GALNT8: variants seen among roughly 807,000 people sequenced by gnomAD.
GALNT8 encodes probable polypeptide N-acetylgalactosaminyltransferase 8.
In GALNT8, 66 loss-of-function variants were observed where a neutral mutation model predicts 62.7. The observed-to-expected ratio is 1.05, with a 90% CI of 0.86 to 1.29. The LOEUF (loss-of-function observed/expected upper bound fraction) is 1.29, where lower values mean the gene tolerates loss of function less well. Among genes scored for constraint, GALNT8 ranks in the 50% most tolerant of loss-of-function variants. The pLI is 0.00. For synonymous variants in GALNT8, 288 were observed against 294.3 expected (o/e 0.98, Z 0.22); for missense variants, 771 against 791.8 (o/e 0.97, Z 0.32).
chr12:4,726,386 A>G lies in GALNT8; in HGVS notation c.212-146A>G. 1.6e-6 allele frequency: 1 copy of G among 626,178 alleles called. No individual in the cohort carries two copies. Among genetic ancestry groups the G allele is most frequent in the East Asian group, 2.7e-5 (1 of 36,524 alleles). The allele number at this position is 626,178 out of a possible 1,614,324, so 38.8% of individuals were successfully genotyped here. A position where few individuals can be genotyped will look rare whatever the true frequency, so the allele number is the denominator to read the frequency against. On this transcript the variant is annotated intron_variant, in intron 1 of 10. Coordinates refer to ENST00000252318, the MANE Select transcript of GALNT8 (RefSeq NM_017417.2). The surrounding 1 kb of genome is among the most constrained non-coding windows in gnomAD (Gnocchi z 4.1). ...TGCATGGCTGGATAAGTTCCCTGAC[A>G]TACTACATCCTCTGTGACAAGAGCT... is the stretch of plus-strand genomic sequence containing the variant.
rs1278135212 is a variant in GALNT8, at chr12:4,739,331, T to A, written c.676+2T>A. ...TGGTGGATGATTTCAGCTCAAATGG[T>A]GAGCAACGTGATCAAAGAATAATTG... is the stretch of plus-strand genomic sequence containing the variant. On this transcript the variant is annotated splice_donor_variant, in intron 3 of 10. Coordinates refer to ENST00000252318, the MANE Select transcript of GALNT8 (RefSeq NM_017417.2). LOFTEE classifies it high-confidence loss of function. 6.2e-7 allele frequency: 1 copy of A among 1,609,710 alleles called. No individual in the cohort carries two copies. The highest frequency in any genetic ancestry group is 8.5e-7 in the Non-Finnish European group (1 of 1,176,990).
chr12:4,730,087 C>T (rs1395483548), intron 2 of GALNT8, among the ~76,000 whole-genome samples: 1 of 151,950 alleles, frequency 6.6e-6, no homozygotes, highest in African/African-American at 2.4e-5. Context: ...TGAGTTGTTT[C>T]TGTTCCTTAT....
At chr12:4,742,795 C>T (rs771258057) in intron 3 of GALNT8, among the ~76,000 whole-genome samples, 2 of 152,090 alleles carry the variant, frequency 1.3e-5, no homozygotes, top group African/African-American at 4.8e-5. Context: ...CGGAAGCGCC[C>T]TGAGCTGACC....
chr12:4,755,662 A>T (rs7979891), intron 6 of GALNT8, among the ~76,000 whole-genome samples: 2 of 151,986 alleles, frequency 1.3e-5, no homozygotes, highest in East Asian at 1.9e-4. Flanking sequence ...CCTTCTAGTC[A>T]ACCATCTTGC....
chr12:4,762,277 A>T (rs1386366689), intron 7 of GALNT8, among the ~76,000 whole-genome samples: 3 of 152,210 alleles, frequency 2.0e-5, no homozygotes, highest in Non-Finnish European at 2.9e-5. Context: ...AATTGTCTGT[A>T]AAATACTGAA....
At chr12:4,721,554 A>G (rs1946169409) in intron 1 of GALNT8, among the ~76,000 whole-genome samples, 1 of 152,206 alleles carries the variant, frequency 6.6e-6, no homozygotes, top group Non-Finnish European at 1.5e-5. Context: ...AGATATGCAT[A>G]CACATAAACA....
intron 6 of GALNT8, among the ~76,000 whole-genome samples, chr12:4,747,024 C>T (rs1565386054): frequency 6.6e-6 from 1 of 152,178 alleles, no homozygotes. Flanking sequence ...TGACAGCTTC[C>T]CATGCTTGTT....
intron 10 of GALNT8, among the ~76,000 whole-genome samples, chr12:4,769,085 C>T (rs1025791391): frequency 1.3e-5 from 2 of 152,064 alleles, no homozygotes; most frequent in South Asian, 2.1e-4. Context: ...AGGAGCACAG[C>T]GTTAAGATAG....
At chr12:4,728,460 T>G (rs1018102684) in intron 2 of GALNT8, among the ~76,000 whole-genome samples, 1 of 152,198 alleles carries the variant, frequency 6.6e-6, no homozygotes, top group Non-Finnish European at 1.5e-5. Flanking sequence ...CGCAAAGGTT[T>G]ACACCCATGT....
rs776814579 is a variant in GALNT8 at position 4,745,572 on chromosome 12, A to G, written c.1004A>G (p.Tyr335Cys). 1 of 1,614,044 alleles carries G rather than the reference A, an allele frequency of 6.2e-7. No individual in the cohort carries two copies. Among genetic ancestry groups the G allele is most frequent in the South Asian group, 1.1e-5 (1 of 91,084 alleles). ...TTTAACTGGGAACTCTGGTGCCGCTACGATGCACTGCCACAAGCCTGGATT... is the reference window on the plus strand; with the variant it reads ...TTTAACTGGGAACTCTGGTGCCGCTGCGATGCACTGCCACAAGCCTGGATT... ...DGFNWELWCR[Y>C]DALPQAWIDL... The change falls in exon 5 of 11, where the codon TAC becomes TGC. Residue 335 changes from tyrosine to cysteine, a missense_variant. By Grantham distance (194) the Tyr-to-Cys change is radical. Coordinates refer to ENST00000252318, the MANE Select transcript of GALNT8 (RefSeq NM_017417.2).
chr12:4,728,399 G>T (rs1006303285), intron 2 of GALNT8, among the ~76,000 whole-genome samples: 1 of 151,894 alleles, frequency 6.6e-6, no homozygotes, highest in Admixed American at 6.6e-5. Context: ...TTTCTCCTGG[G>T]TTGCTTGTAC....
At chr12:4,758,602 GTC>G (rs1327538457) in intron 6 of GALNT8, among the ~76,000 whole-genome samples, 38 of 123,554 alleles carry the variant, frequency 3.1e-4, no homozygotes, top group Admixed American at 2.0e-3. Flanking sequence ...GAAGCTTAAT[GTC>G]TCTGTGTGTG....
intron 6 of GALNT8, among the ~76,000 whole-genome samples, chr12:4,760,414 T>C (rs1946366110): frequency 6.6e-6 from 1 of 152,222 alleles, no homozygotes; most frequent in African/African-American, 2.4e-5. Context: ...ATGCAGTGTA[T>C]TCATGATCCA....
At chr12:4,747,588 A>G (rs898749110) in intron 6 of GALNT8, among the ~76,000 whole-genome samples, 1 of 151,914 alleles carries the variant, frequency 6.6e-6, no homozygotes, top group African/African-American at 2.4e-5. Context: ...ACTCTATTGC[A>G]TACTACATTT....
At chr12:4,754,718 A>G (rs1946336851) in intron 6 of GALNT8, among the ~76,000 whole-genome samples, 1 of 152,060 alleles carries the variant, frequency 6.6e-6, no homozygotes, top group South Asian at 2.1e-4. Context: ...ACCTAAAGCC[A>G]GCAAGTCTCA....
chr12:4,768,263 A>G (rs899001395), intron 10 of GALNT8, among the ~76,000 whole-genome samples: 21 of 152,216 alleles, frequency 1.4e-4, no homozygotes, highest in Admixed American at 5.2e-4. Flanking sequence ...AAAAATAGTA[A>G]ATATACACAG....
chr12:4,766,309 A>G (rs138319012), intron 10 of GALNT8, among the ~76,000 whole-genome samples: 2 of 152,202 alleles, frequency 1.3e-5, no homozygotes, highest in Non-Finnish European at 2.9e-5. Flanking sequence ...CAATTTCCTT[A>G]CCCTCTCTGA....
chr12:4,751,107 C>T (rs541138914), intron 6 of GALNT8, among the ~76,000 whole-genome samples: 37 of 152,236 alleles, frequency 2.4e-4, no homozygotes, highest in Middle Eastern at 6.8e-3. Flanking sequence ...CTCTTCCTTA[C>T]ACCATATACA....
At chr12:4,741,402 C>T (rs1280305647) in intron 3 of GALNT8, among the ~76,000 whole-genome samples, 3 of 151,884 alleles carry the variant, frequency 2.0e-5, no homozygotes, top group Non-Finnish European at 4.4e-5. Flanking sequence ...GTTTTCTGCC[C>T]CAAAAATAGG....
Sources: gnomAD v4.1 joint callset for allele counts (sites outside exome capture counted in the v4.1 genomes callset) on GRCh38, gnomAD v4.1.1 for gene constraint, Gnocchi (gnomAD v3.1) non-coding constraint, MANE v1.5 for transcripts, NCBI Gene and HGNC (gene_info 2026-07-23, HGNC 2026-07-21) for gene names.